HIRA: variants seen among roughly 807,000 people sequenced by gnomAD.
The protein encoded by HIRA is protein HIRA.
Under a neutral mutation model 126.6 loss-of-function variants are expected in HIRA, and 13 were observed. The ratio of observed to expected loss-of-function variants is 0.10; its 90% CI spans 0.07 to 0.16. The LOEUF (loss-of-function observed/expected upper bound fraction) is 0.16, where lower values mean the gene tolerates loss of function less well. HIRA is among the 10% of genes least tolerant of loss of function. The pLI is 1.00. For synonymous variants in HIRA, 511 were observed against 520.0 expected, an observed-to-expected ratio of 0.98 and a Z score of 0.24; for missense variants, 834 against 1,314.4, an observed-to-expected ratio of 0.63 and a Z score of 5.65.
intron 1 of HIRA, among the ~76,000 whole-genome samples, chr22:19,424,642 T>C (rs1183039067): frequency 6.6e-6 from 1 of 151,928 alleles, no homozygotes; most frequent in African/African-American, 2.4e-5. Flanking sequence ...CAAAGACCAG[T>C]GCTTAGCAAA....
At chr22:19,429,262 C>T (rs957761299) in intron 1 of HIRA, among the ~76,000 whole-genome samples, 9 of 151,046 alleles carry the variant, frequency 6.0e-5, no homozygotes, top group African/African-American at 2.2e-4. Flanking sequence ...CTCAGCCTCC[C>T]GAGTAGTTGG....
rs746892144 is a variant in HIRA, at chr22:19,405,880, C to T, written c.303G>A (p.Thr101=). The T allele has an allele frequency of 4.8e-6, 7 of 1,468,474 alleles. No homozygotes were observed. The highest frequency in any genetic ancestry group is 2.3e-5 in the Admixed American group (1 of 43,082). 91.0% of individuals were successfully genotyped at this position (1,468,474 alleles called of 1,614,324 possible). A position where few individuals can be genotyped will look rare whatever the true frequency, so the allele number is the denominator to read the frequency against. The change falls in exon 5 of 25, where the codon ACG becomes ACA. Residue 101 remains threonine (T), a splice_region_variant and synonymous_variant. Coordinates refer to ENST00000263208, the MANE Select transcript of HIRA (RefSeq NM_003325.4). The part of the protein sequence containing the change: ...DKLIMVWKRA[T]YIGPSTVFGS... ...CGAACACGGTGCTGGGGCCGATGTA[C>T]CTGTGTGAGAAAGGGGCCAAAAAGG...
At chr22:19,374,846 T>A (rs1427335894) in intron 15 of HIRA, among the ~76,000 whole-genome samples, 1 of 152,184 alleles carries the variant, frequency 6.6e-6, no homozygotes, top group East Asian at 1.9e-4. Flanking sequence ...AACCTCGCAG[T>A]GGGGTGCAAC....
At chr22:19,331,598 G>A (rs782356470) in intron 24 of HIRA, 42 bp from the exon 25 acceptor site, 1 of 1,544,214 alleles carries the variant, frequency 6.5e-7, no homozygotes, top group Non-Finnish European at 8.8e-7. Flanking sequence ...TGTCAGTGAA[G>A]AGACCTAGAT....
At chr22:19,382,767 C>CTTTTTTTTTTT (rs1228408103) in intron 13 of HIRA, among the ~76,000 whole-genome samples, 1 of 134,276 alleles carries the variant, frequency 7.4e-6, no homozygotes, top group Non-Finnish European at 1.5e-5. Flanking sequence ...TATCATTTTT[C>CTTTTTTTTTTT]TTTCTTTTTT....
chr22:19,368,132 C>CAG lies in HIRA; in HGVS notation c.1776-6203_1776-6202dup, dbSNP rs554249376. 3.9e-5 allele frequency among the ~76,000 whole-genome samples: 6 copies of CAG among 152,276 alleles called. No individual in the cohort carries two copies. In the South Asian group the frequency reaches 1.2e-3, roughly 32 times the overall value. ...CCCTGCCTGCCTTCCCACTGCTAAC[C>CAG]AGCCTCTGGCCTGTTAGCCCCTCCT... On this transcript the variant is annotated intron_variant, in intron 15 of 24. Coordinates refer to ENST00000263208, the MANE Select transcript of HIRA (RefSeq NM_003325.4).
intron 13 of HIRA, among the ~76,000 whole-genome samples, chr22:19,379,912 G>A (rs1468035383): frequency 2.0e-5 from 3 of 151,958 alleles, no homozygotes; most frequent in African/African-American, 7.2e-5. Context: ...GGGTTCAAGT[G>A]ACTTTCCTGC....
rs770022777 is a variant in HIRA, at chr22:19,388,567, A to G, written c.937-13T>C. ...TCAGACATGTGAGCTGGAAGGAAAGACACAGTCAAGGTTAATGAAATTACT... is the reference window on the plus strand; with the variant it reads ...TCAGACATGTGAGCTGGAAGGAAAGGCACAGTCAAGGTTAATGAAATTACT... On this transcript the variant is annotated splice_polypyrimidine_tract_variant and intron_variant, in intron 9 of 24. Coordinates refer to ENST00000263208, the MANE Select transcript of HIRA (RefSeq NM_003325.4). 4 of 1,607,892 alleles carry G rather than the reference A, an allele frequency of 2.5e-6. No individual in the cohort carries two copies. The South Asian group carries it at 4.4e-5, about 18-fold the overall frequency.
At chr22:19,390,600 T>TAAA (rs2089169694) in intron 9 of HIRA, among the ~76,000 whole-genome samples, 1 of 4,264 alleles carries the variant, frequency 2.3e-4, no homozygotes, top group African/African-American at 9.0e-4. Flanking sequence ...AGACTCTGTC[T>TAAA]CAAAAAAAAA....
At chr22:19,417,628 AT>A (rs1467930535) in intron 1 of HIRA, among the ~76,000 whole-genome samples, 1 of 152,256 alleles carries the variant, frequency 6.6e-6, no homozygotes, top group East Asian at 1.9e-4. Context: ...CTCAAAAAAA[AT>A]AAATAAATAA....
intron 1 of HIRA, among the ~76,000 whole-genome samples, chr22:19,430,655 C>T (rs2089526807): frequency 6.6e-6 from 1 of 151,934 alleles, no homozygotes; most frequent in Non-Finnish European, 1.5e-5. Flanking sequence ...GGGGGAGGCG[C>T]GCTTTTTTCA....
chr22:19,333,371 G>A (rs1203209483), intron 24 of HIRA, among the ~76,000 whole-genome samples: 1 of 152,088 alleles, frequency 6.6e-6, no homozygotes, highest in African/African-American at 2.4e-5. Flanking sequence ...TAAGAAATTT[G>A]AACATTTAGA....
intron 24 of HIRA, among the ~76,000 whole-genome samples, chr22:19,336,752 G>C (rs1485231155): frequency 2.6e-5 from 4 of 152,174 alleles, no homozygotes; most frequent in Admixed American, 2.0e-4. Flanking sequence ...CCCAGAGCCT[G>C]GTAGCCCCAC....
At chr22:19,426,346 C>A (rs942779299) in intron 1 of HIRA, among the ~76,000 whole-genome samples, 2 of 152,214 alleles carry the variant, frequency 1.3e-5, no homozygotes, top group African/African-American at 4.8e-5. Context: ...CCCATTCTCC[C>A]TCTTGCCCTG....
chr22:19,352,876 T>C (rs559230648), intron 23 of HIRA, among the ~76,000 whole-genome samples: 1 of 152,320 alleles, frequency 6.6e-6, no homozygotes, highest in African/African-American at 2.4e-5. Flanking sequence ...CACCTGGCTT[T>C]CTGCAAGGGA....
intron 15 of HIRA, among the ~76,000 whole-genome samples, chr22:19,362,331 G>A (rs2088871562): frequency 6.6e-6 from 1 of 152,184 alleles, no homozygotes. Flanking sequence ...CAGCCACCAT[G>A]TCTTGAATTA....
Position 19,350,074 on chromosome 22 carries a change from G to A in HIRA, c.2937+1284C>T, listed in dbSNP as rs2088738562. On this transcript the variant is annotated intron_variant, in intron 24 of 24. Coordinates refer to ENST00000263208, the MANE Select transcript of HIRA (RefSeq NM_003325.4). ...GCGATCTTGGCTCACTGAAAGCTTA[G>A]CCTGGCCTTTCTTAATTGCCCAGCA... Among the ~76,000 whole-genome samples the A allele has an allele frequency of 2.0e-5, 3 of 151,546 alleles. No individual in the cohort carries two copies. The South Asian group carries it at 6.2e-4, about 31-fold the overall frequency.
chr22:19,385,759 G>T, intron 11 of HIRA, 23 bp from the exon 12 acceptor site: 2 of 1,603,018 alleles, frequency 1.2e-6, no homozygotes, highest in South Asian at 2.2e-5. Flanking sequence ...GGAGAGGCAT[G>T]ACATGCCAGC....
At chr22:19,410,230 T>C (rs995319124) in intron 2 of HIRA, among the ~76,000 whole-genome samples, 2 of 152,228 alleles carry the variant, frequency 1.3e-5, no homozygotes, top group Non-Finnish European at 2.9e-5. Context: ...CAGTTTCAAA[T>C]GGTGTGGGCT....
Sources: allele counts gnomAD v4.1 joint callset (sites outside exome capture counted in the v4.1 genomes callset), GRCh38; gene constraint gnomAD v4.1.1; transcripts MANE v1.5; gene names NCBI Gene and HGNC (gene_info 2026-07-23, HGNC 2026-07-21).